Variants in TSHZ1 observed in about 807,000 individuals in gnomAD.
The protein encoded by TSHZ1 is teashirt homolog 1.
In TSHZ1, 12 loss-of-function variants were observed where a neutral mutation model predicts 67.1. That is an observed-to-expected ratio of 0.18 (90% CI 0.11 to 0.29). TSHZ1 has a LOEUF of 0.29. Among genes scored for constraint, TSHZ1 ranks in the 10% least tolerant of loss-of-function variants. TSHZ1 has a pLI of 1.00. For synonymous variants in TSHZ1, 632 were observed against 622.4 expected (o/e 1.02, Z -0.23); for missense variants, 1,305 against 1,413.9 (o/e 0.92, Z 1.23).
intron 1 of TSHZ1, among the ~76,000 whole-genome samples, chr18:75,230,257 C>T (rs1473201411): frequency 6.6e-6 from 1 of 152,204 alleles, no homozygotes; most frequent in African/African-American, 2.4e-5. Flanking sequence ...TGATTAAAAG[C>T]TGTTTGGTGA....
chr18:75,255,360 T>C (rs2023350621), intron 1 of TSHZ1, among the ~76,000 whole-genome samples: 1 of 152,164 alleles, frequency 6.6e-6, no homozygotes, highest in Non-Finnish European at 1.5e-5. Flanking sequence ...GTTACTTAAA[T>C]GTGTGAATGT....
At chr18:75,257,943 C>T (rs2023381824) in intron 1 of TSHZ1, among the ~76,000 whole-genome samples, 1 of 152,182 alleles carries the variant, frequency 6.6e-6, no homozygotes, top group Admixed American at 6.5e-5. Context: ...GCACACGGGG[C>T]TGTGGACGTC....
At position 75,287,384 on chromosome 18, in the gene TSHZ1, T is replaced by C. The variant is rs1185768632; in HGVS notation, c.1977T>C (p.Pro659=). Residue 659 remains proline (P), a synonymous_variant, in exon 2 of 2, where the codon CCT becomes CCC. Transcript: ENST00000580243. The surrounding 1 kb of genome is among the most constrained non-coding windows in gnomAD (Gnocchi z 5.0). ...KVNIKKEERP[P]EKEKSSLAKA... Reference sequence around the variant, plus strand: ...ACATCAAGAAGGAGGAGAGACCCCCTGAGAAGGAGAAGAGCTCCCTGGCCA... The same window carrying C: ...ACATCAAGAAGGAGGAGAGACCCCCCGAGAAGGAGAAGAGCTCCCTGGCCA... 2 of 1,613,714 alleles carry C rather than the reference T, an allele frequency of 1.2e-6. No individual in the cohort carries two copies. The highest frequency in any genetic ancestry group is 2.7e-5 in the African/African-American group (2 of 74,822).
chr18:75,268,115 G>A (rs2023513904), intron 1 of TSHZ1, among the ~76,000 whole-genome samples: 1 of 152,188 alleles, frequency 6.6e-6, no homozygotes, highest in Non-Finnish European at 1.5e-5. Flanking sequence ...ACTTCCAATT[G>A]TTTTGCTGAC....
At position 75,287,886 on chromosome 18, in the gene TSHZ1, T is replaced by G; in HGVS notation, c.2479T>G (p.Ser827Ala). 1 of 1,614,190 alleles carries G rather than the reference T, an allele frequency of 6.2e-7. No individual in the cohort carries two copies. Among genetic ancestry groups the G allele is most frequent in the Admixed American group, 1.7e-5 (1 of 60,028 alleles). Residue 827 changes from serine to alanine, a missense_variant, in exon 2 of 2, where the codon TCG (serine) becomes GCG (alanine). By Grantham distance (99) the Ser-to-Ala change is moderately conservative (BLOSUM62 1). Transcript: ENST00000580243. This position sits in a 1 kb window ranked among gnomAD's most constrained non-coding sequence, Gnocchi z 5.0. ...GCCGCTGGTGTCCAGCGTGGCTGAT[T>G]CGGTGGCATCACCTCTGCGGGAGAG... ...NKPLVSSVAD[S>A]VASPLRESAL...
In TSHZ1 at chr18:75,285,943, G is replaced by T. The variant is rs776308822; in HGVS notation, c.536G>T (p.Cys179Phe). 37 of 1,546,418 alleles carry T rather than the reference G, an allele frequency of 2.4e-5. No homozygotes were observed. In the Middle Eastern group the frequency reaches 1.0e-3, roughly 43 times the overall value. The stretch of plus-strand genomic sequence containing the variant: ...ACCACGAGCACGCCCAGCACCAGCT[G>T]CAGCTCCAGCACCAGCCACAGCAGT... ...GPTTSTPSTSCSSSTSHSSTT... is the reference protein window; with the variant it reads ...GPTTSTPSTSFSSSTSHSSTT... Residue 179 changes from cysteine (C) to phenylalanine (F), a missense_variant, in exon 2 of 2, where the codon TGC becomes TTC. Cys to Phe is a radical substitution (Grantham distance 205). Coordinates refer to ENST00000580243, the MANE Select transcript of TSHZ1 (RefSeq NM_001308210.2).
Position 75,286,087 on chromosome 18 carries a change from A to C in TSHZ1, c.680A>C (p.Gln227Pro). 1 of 1,612,210 alleles carries C rather than the reference A, an allele frequency of 6.2e-7. No homozygotes were observed. Among genetic ancestry groups the C allele is most frequent in the Non-Finnish European group, 8.5e-7 (1 of 1,178,600 alleles). Reference sequence around the variant, plus strand: ...GAGCCCAGCCTGTTCAGCACCGTGCAGCTCTACCGCCAGAACAACAAGCTC... The same window carrying C: ...GAGCCCAGCCTGTTCAGCACCGTGCCGCTCTACCGCCAGAACAACAAGCTC... ...LPEPSLFSTV[Q>P]LYRQNNKLYG... Residue 227 changes from glutamine to proline, a missense_variant, in exon 2 of 2, where the codon CAG becomes CCG. By Grantham distance (76) the Gln-to-Pro change is moderately conservative (BLOSUM62 -1). Transcript: ENST00000580243. The surrounding 1 kb of genome is among the most constrained non-coding windows in gnomAD (Gnocchi z 5.1).
chr18:75,221,682 C>T (rs916563204), intron 1 of TSHZ1, among the ~76,000 whole-genome samples: 2 of 152,170 alleles, frequency 1.3e-5, no homozygotes, highest in African/African-American at 2.4e-5. Context: ...ATTATTAATG[C>T]AGTAAACTGT....
At chr18:75,276,581 G>A (rs1043692808) in intron 1 of TSHZ1, among the ~76,000 whole-genome samples, 17 of 152,124 alleles carry the variant, frequency 1.1e-4, no homozygotes, top group African/African-American at 3.9e-4. Context: ...AGTCTGTTTC[G>A]TAAGATTCTA....
In TSHZ1 at chr18:75,289,517, T is replaced by A. The variant is rs915152640; in HGVS notation, c.*876T>A. 1 of 167,128 alleles carries A rather than the reference T, an allele frequency of 6.0e-6. No individual in the cohort carries two copies. The highest frequency in any genetic ancestry group is 2.4e-5 in the African/African-American group (1 of 41,474). 10.4% of individuals were successfully genotyped at this position (167,128 alleles called of 1,614,324 possible). A position where few individuals can be genotyped will look rare whatever the true frequency, so the allele number is the denominator to read the frequency against. On this transcript the variant is annotated 3_prime_UTR_variant, in exon 2 of 2. Transcript: ENST00000580243. ...AAATGAAAAAAAATGGGGCAAACGT[T>A]GGAGTCCTTTCCTTGTAAATTGCCA...
At chr18:75,284,613 C>T (rs2023727128) in intron 1 of TSHZ1, 1 of 151,598 alleles carries the variant, frequency 6.6e-6, no homozygotes. Context: ...AATGTGGCAA[C>T]TCTAGGGCCC....
intron 1 of TSHZ1, among the ~76,000 whole-genome samples, chr18:75,232,394 T>C (rs2023011700): frequency 6.6e-6 from 1 of 152,232 alleles, no homozygotes; most frequent in African/African-American, 2.4e-5. Context: ...TCAATGGACT[T>C]GATTTTGCTG....
chr18:75,254,626 CAG>C (rs904125087), intron 1 of TSHZ1, among the ~76,000 whole-genome samples: 1 of 152,032 alleles, frequency 6.6e-6, no homozygotes, highest in Non-Finnish European at 1.5e-5. Flanking sequence ...ACACAGATAA[CAG>C]GGAGAAATGA....
intron 1 of TSHZ1, among the ~76,000 whole-genome samples, chr18:75,242,044 G>T (rs116029107): frequency 0.016 from 2,358 of 151,044 alleles, 64 homozygotes; most frequent in African/African-American, 0.053. Flanking sequence ...AATTTTAGAG[G>T]ACACTATTCA....
In TSHZ1 at chr18:75,281,981, G is replaced by T. The variant is rs904387823; in HGVS notation, c.41-3467G>T. On this transcript the variant is annotated intron_variant, in intron 1 of 1. Transcript: ENST00000580243. This position sits in a 1 kb window ranked among gnomAD's most constrained non-coding sequence, Gnocchi z 5.3. ...CTGGGACATGAGTCCCCGTCCCTAG[G>T]GCAGGGACTTTATGGACCCCCTCCT... Among the ~76,000 whole-genome samples, 1 of 152,076 alleles carries T rather than the reference G, an allele frequency of 6.6e-6. No homozygotes were observed. The highest frequency in any genetic ancestry group is 6.5e-5 in the Admixed American group (1 of 15,278).
At position 75,281,912 on chromosome 18, in the gene TSHZ1, C is replaced by T. The variant is rs1166889742; in HGVS notation, c.41-3536C>T. Among the ~76,000 whole-genome samples the T allele has an allele frequency of 1.3e-5, 2 of 152,140 alleles. No individual in the cohort carries two copies. Among genetic ancestry groups the T allele is most frequent in the Non-Finnish European group, 2.9e-5 (2 of 68,022 alleles). On this transcript the variant is annotated intron_variant, in intron 1 of 1. Coordinates refer to ENST00000580243, the MANE Select transcript of TSHZ1 (RefSeq NM_001308210.2). The surrounding 1 kb of genome is among the most constrained non-coding windows in gnomAD (Gnocchi z 5.3). Reference sequence around the variant, plus strand: ...CCTGCCTTCCAAAAGTGTCCCTCACCTACCCGGTCAGAGGCTGCCTGATCA... The same window carrying T: ...CCTGCCTTCCAAAAGTGTCCCTCACTTACCCGGTCAGAGGCTGCCTGATCA...
chr18:75,289,311 A>T lies in TSHZ1; in HGVS notation c.*670A>T, dbSNP rs1221871507. On this transcript the variant is annotated 3_prime_UTR_variant, in exon 2 of 2. Coordinates refer to ENST00000580243, the MANE Select transcript of TSHZ1 (RefSeq NM_001308210.2). ...AACAACAGATACCCCACTCGCCACT[A>T]TGCCCAAACCCTCTGGATGCTGAAA... 6.0e-6 allele frequency: 1 copy of T among 166,828 alleles called. No homozygotes were observed. Among genetic ancestry groups the T allele is most frequent in the African/African-American group, 2.4e-5 (1 of 41,442 alleles). 10.3% of individuals were successfully genotyped at this position (166,828 alleles called of 1,614,324 possible).
In TSHZ1 at chr18:75,231,735, A is replaced by C. The variant is rs1238273020; in HGVS notation, c.40+19819A>C. On this transcript the variant is annotated intron_variant, in intron 1 of 1. Transcript: ENST00000580243. ...TTTTTAGTAGAGACAGGGTTTCACC[A>C]TGTTGGCCAGGCTGGTCTCTAACTC... 3.3e-5 allele frequency among the ~76,000 whole-genome samples: 5 copies of C among 152,010 alleles called. No individual in the cohort carries two copies. The South Asian group carries it at 8.3e-4, about 25-fold the overall frequency.
chr18:75,285,444 C>T lies in TSHZ1; in HGVS notation c.41-4C>T. ...TCTAACTGGGTTTCATTTTTCTCTCCTAGCTTATGTTCCTGAGGAAGAATT... is the reference window on the plus strand; with the variant it reads ...TCTAACTGGGTTTCATTTTTCTCTCTTAGCTTATGTTCCTGAGGAAGAATT... On this transcript the variant is annotated splice_region_variant and splice_polypyrimidine_tract_variant and intron_variant, in intron 1 of 1. Transcript: ENST00000580243. 6.8e-7 allele frequency: 1 copy of T among 1,462,288 alleles called. No individual in the cohort carries two copies. The highest frequency in any genetic ancestry group is 2.4e-5 in the East Asian group (1 of 41,460). The allele number at this position is 1,462,288 out of a possible 1,614,324, so 90.6% of individuals were successfully genotyped here.
Sources: gnomAD v4.1 joint callset for allele counts (sites outside exome capture counted in the v4.1 genomes callset) on GRCh38, gnomAD v4.1.1 for gene constraint, Gnocchi (gnomAD v3.1) non-coding constraint, MANE v1.5 for transcripts, NCBI Gene and HGNC (gene_info 2026-07-23, HGNC 2026-07-21) for gene names.